The following NRK variants were observed in gnomAD, a reference collection of about 807,000 sequenced individuals.
The protein encoded by NRK is Nik related kinase, also known as nik-related protein kinase.
In NRK, 67 loss-of-function variants were observed where a neutral mutation model predicts 125.2. The observed-to-expected ratio is 0.54, with a 90% CI of 0.44 to 0.66. The LOEUF (loss-of-function observed/expected upper bound fraction) is 0.66. Among genes scored for constraint, NRK ranks in the 30% least tolerant of loss-of-function variants. The probability of loss-of-function intolerance (pLI) is 0.00; values close to 1 mark genes in which losing one functional copy is unlikely to be tolerated. For missense variants in NRK, 1,224 were observed against 1,192.9 expected (o/e 1.03, Z -0.38); for synonymous variants, 458 against 429.0 (o/e 1.07, Z -0.84).
chrX:105,922,095 A>AT (rs753511745), intron 17 of NRK, 34 bp downstream of exon 17: 3 of 678,552 alleles, frequency 4.4e-6, no homozygotes, highest in East Asian at 3.4e-5. Flanking sequence ...AATGTCTATT[A>AT]TTTTTTATTT....
At position 105,828,053 on chromosome X, in the gene NRK, T is replaced by C. The variant is rs900331775; in HGVS notation, c.58-3001T>C. Reference sequence around the variant, plus strand: ...AAACCCAGAATAAACTTGCTCTGACTGTAAGTGCAAAATATATGAGGAATT... The same window carrying C: ...AAACCCAGAATAAACTTGCTCTGACCGTAAGTGCAAAATATATGAGGAATT... On this transcript the variant is annotated intron_variant, in intron 1 of 28. Transcript: ENST00000243300. Among the ~76,000 whole-genome samples the C allele has an allele frequency of 2.7e-5, 3 of 112,260 alleles. No homozygotes were observed. The Admixed American group carries it at 2.9e-4, about 11-fold the overall frequency.
At chrX:105,894,078 G>T in intron 6 of NRK, 136 bp downstream of exon 6, 1 of 393,142 alleles carries the variant, frequency 2.5e-6, no homozygotes, top group Non-Finnish European at 4.2e-6. Context: ...ATCTGAAAAG[G>T]CCAAAAAGCT....
At chrX:105,878,328 C>T (rs755720562) in intron 2 of NRK, among the ~76,000 whole-genome samples, 3 of 110,759 alleles carry the variant, frequency 2.7e-5, no homozygotes, top group African/African-American at 6.5e-5. Flanking sequence ...TACAATCCTA[C>T]GAAAAAGAAC....
chrX:105,895,865 G>A (rs1034612326), intron 7 of NRK, among the ~76,000 whole-genome samples: 2 of 111,320 alleles, frequency 1.8e-5, no homozygotes, highest in East Asian at 2.8e-4. Context: ...TGCAAATTTC[G>A]ATGCCAAGGG....
intron 2 of NRK, among the ~76,000 whole-genome samples, chrX:105,864,218 G>C (rs996773052): frequency 9.0e-6 from 1 of 111,088 alleles, no homozygotes; most frequent in Non-Finnish European, 1.9e-5. Flanking sequence ...AAATCTAAAT[G>C]AGATACCAAC....
intron 16 of NRK, among the ~76,000 whole-genome samples, chrX:105,919,288 A>C (rs1258714512): frequency 9.0e-6 from 1 of 110,725 alleles, no homozygotes; most frequent in Non-Finnish European, 1.9e-5. Context: ...CTGAATTTTG[A>C]GCCTGTTAAA....
intron 28 of NRK, 129 bp from the exon 29 acceptor site, chrX:105,955,376 C>A (rs41307417): frequency 3.9e-4 from 147 of 373,378 alleles, no homozygotes; most frequent in Admixed American, 9.1e-4. Context: ...ATTTGAAAAA[C>A]AAACTATTCC....
intron 2 of NRK, among the ~76,000 whole-genome samples, chrX:105,871,693 G>A (rs1192260127): frequency 1.8e-5 from 2 of 111,075 alleles, no homozygotes; most frequent in African/African-American, 6.6e-5. Context: ...AAATAGATTC[G>A]GTGGCAAAAG....
At chrX:105,854,982 G>A (rs1399428038) in intron 2 of NRK, among the ~76,000 whole-genome samples, 1 of 112,054 alleles carries the variant, frequency 8.9e-6, no homozygotes, top group Non-Finnish European at 1.9e-5. Flanking sequence ...CTCAGTAAAT[G>A]TTAGCTATCC....
chrX:105,862,073 T>TTATC lies in NRK; in HGVS notation c.124-18126_124-18125insTATC, dbSNP rs1436401934. ...GCAAGACTCTTATCTATCTATCTAT[T>TTATC]GATCTATCTATCTATCTATCTATCT... On this transcript the variant is annotated intron_variant, in intron 2 of 28. Coordinates refer to ENST00000243300, the MANE Select transcript of NRK (RefSeq NM_198465.4). 3.5e-4 allele frequency among the ~76,000 whole-genome samples: 31 copies of TTATC among 87,926 alleles called. 1 individual carries two copies. The highest frequency in any genetic ancestry group is 5.3e-4 in the Non-Finnish European group (25 of 46,884). 76.4% of individuals were successfully genotyped at this position (87,926 alleles called of 115,157 possible).
At position 105,909,728 on chromosome X, in the gene NRK, C is replaced by G. The variant is rs1448623837; in HGVS notation, c.2087C>G (p.Ala696Gly). Residue 696 changes from alanine (A) to glycine (G), a missense_variant, in exon 13 of 29, where the codon GCA becomes GGA. Physicochemically the swap from Ala to Gly is moderately conservative, Grantham distance 60. Coordinates refer to ENST00000243300, the MANE Select transcript of NRK (RefSeq NM_198465.4). ...GTTTCTACTCTGAGGCAAGCACTGG[C>G]AAAAAGACTATCACCAAAGAGGTTC... ...SKVSTLRQAL[A>G]KRLSPKRFRA... 4.2e-6 allele frequency: 5 copies of G among 1,183,161 alleles called. No individual in the cohort carries two copies. The highest frequency in any genetic ancestry group is 5.7e-6 in the Non-Finnish European group (5 of 880,385).
intron 19 of NRK, among the ~76,000 whole-genome samples, chrX:105,925,564 A>G (rs753544480): frequency 9.0e-6 from 1 of 110,861 alleles, no homozygotes; most frequent in East Asian, 2.9e-4. Flanking sequence ...CTATCTAGTC[A>G]TGCATTTGGA....
chrX:105,822,472 G>A, upstream of NRK: 1 of 252,528 alleles, frequency 4.0e-6, no homozygotes, highest in Non-Finnish European at 7.1e-6. Flanking sequence ...CTTTCGAGCT[G>A]CTCCCGGGTC....
chrX:105,863,157 C>T (rs1478808293), intron 2 of NRK, among the ~76,000 whole-genome samples: 2 of 111,694 alleles, frequency 1.8e-5, no homozygotes, highest in African/African-American at 6.5e-5. Context: ...AGAAGTAAAG[C>T]CACTGTGAAG....
At position 105,952,451 on chromosome X, in the gene NRK, A is replaced by C. The variant is rs766750740; in HGVS notation, c.4514-583A>C. ...ATTATAAAATAGAGTCAAAAAAGTT[A>C]AAATCTTAATAAATATTTCCTGAGC... On this transcript the variant is annotated intron_variant, in intron 27 of 28. Coordinates refer to ENST00000243300, the MANE Select transcript of NRK (RefSeq NM_198465.4). Among the ~76,000 whole-genome samples the C allele has an allele frequency of 1.5e-3, 168 of 112,579 alleles. 1 individual carries two copies. The highest frequency in any genetic ancestry group is 5.1e-3 in the African/African-American group (158 of 31,104).
rs748006691 is a variant in NRK at position 105,861,085 on chromosome X, A to G, written c.124-19114A>G. On this transcript the variant is annotated intron_variant, in intron 2 of 28. Coordinates refer to ENST00000243300, the MANE Select transcript of NRK (RefSeq NM_198465.4). ...TTCCACCATTACTACAGCATTTTCC[A>G]TTCTTACCAAGGGTATATGAAGTTC... 2.0e-4 allele frequency among the ~76,000 whole-genome samples: 22 copies of G among 111,537 alleles called. No homozygotes were observed. In the South Asian group the frequency reaches 8.4e-3, roughly 42 times the overall value.
chrX:105,914,451 A>G (rs956734730), intron 14 of NRK, among the ~76,000 whole-genome samples: 2 of 111,217 alleles, frequency 1.8e-5, no homozygotes, highest in African/African-American at 6.5e-5. Flanking sequence ...GAAATACATC[A>G]TTATCTTAGT....
chrX:105,936,993 A>T (rs1242065056), intron 21 of NRK, among the ~76,000 whole-genome samples: 2 of 111,030 alleles, frequency 1.8e-5, no homozygotes, highest in Non-Finnish European at 3.8e-5. Flanking sequence ...TATGTGCTAG[A>T]CTAAGAATGT....
intron 2 of NRK, among the ~76,000 whole-genome samples, chrX:105,849,035 G>A (rs2039436257): frequency 9.0e-6 from 1 of 111,676 alleles, no homozygotes; most frequent in African/African-American, 3.3e-5. Flanking sequence ...TCTGTATTGT[G>A]CCTTATGCGG....
Sources: allele counts gnomAD v4.1 joint callset (sites outside exome capture counted in the v4.1 genomes callset), GRCh38; gene constraint gnomAD v4.1.1; transcripts MANE v1.5; gene names NCBI Gene and HGNC (gene_info 2026-07-23, HGNC 2026-07-21).